Variants in KLHL6 observed in about 807,000 individuals in gnomAD.
KLHL6 encodes kelch-like protein 6.
In KLHL6, 41 loss-of-function variants were observed where a neutral mutation model predicts 58.6. That is an observed-to-expected ratio of 0.70 (90% confidence interval 0.55 to 0.91). The LOEUF is 0.91. Ranked by LOEUF, KLHL6 falls within the 40% of genes least tolerant of loss-of-function variation. The pLI is 0.00. For missense variants in KLHL6, 714 were observed against 805.6 expected (o/e 0.89, Z 1.38); for synonymous variants, 338 against 322.7 (o/e 1.05, Z -0.51).
At chr3:183,547,701 G>A (rs1006318885) in intron 1 of KLHL6, among the ~76,000 whole-genome samples, 12 of 152,066 alleles carry the variant, frequency 7.9e-5, no homozygotes, top group African/African-American at 2.4e-4. Context: ...GAATATGGAC[G>A]GCCTACATTT....
chr3:183,522,140 A>G (rs1385240942), intron 2 of KLHL6, among the ~76,000 whole-genome samples: 2 of 151,494 alleles, frequency 1.3e-5, no homozygotes, highest in Non-Finnish European at 2.9e-5. Flanking sequence ...AGCCTGGCCA[A>G]CATGGTGAAA....
rs771934752 is a variant in KLHL6 at position 183,494,138 on chromosome 3, C to T, written c.1291G>A (p.Gly431Ser). The change falls in exon 5 of 7, where the codon GGC (glycine) becomes AGC (serine). Residue 431 changes from glycine (G) to serine (S), a missense_variant. Physicochemically the swap from Gly to Ser is moderately conservative, Grantham distance 56. Coordinates refer to ENST00000341319, the MANE Select transcript of KLHL6 (RefSeq NM_130446.4). ...TCCACATTGTTGATTCTCTGTAAGC[C>T]GTCAAAGCCTCCGATCACATAGACC... ...GKVYVIGGFDGLQRINNVETY... is the reference protein window; with the variant it reads ...GKVYVIGGFDSLQRINNVETY... The T allele has an allele frequency of 4.0e-5, 64 of 1,614,130 alleles. No individual in the cohort carries two copies. The highest frequency in any genetic ancestry group is 6.7e-5 in the Admixed American group (4 of 60,020).
chr3:183,553,751 A>G (rs1713012657), intron 1 of KLHL6, among the ~76,000 whole-genome samples: 1 of 152,178 alleles, frequency 6.6e-6, no homozygotes, highest in Non-Finnish European at 1.5e-5. Flanking sequence ...GACCAGATAT[A>G]TAATGCTGAG....
intron 4 of KLHL6, among the ~76,000 whole-genome samples, chr3:183,495,739 A>C (rs559582853): frequency 2.0e-5 from 3 of 152,278 alleles, no homozygotes; most frequent in East Asian, 1.9e-4. Flanking sequence ...GGGAAGAGTA[A>C]GTTTGGAAAA....
chr3:183,555,319 G>A (rs766409799), intron 1 of KLHL6, 42 bp downstream of exon 1: 1 of 1,581,012 alleles, frequency 6.3e-7, no homozygotes, highest in South Asian at 1.1e-5. Flanking sequence ...CCTCTTCCTT[G>A]CAACTTGCAC....
intron 5 of KLHL6, chr3:183,493,704 C>T (rs1007566817): frequency 2.1e-5 from 5 of 236,410 alleles, no homozygotes; most frequent in East Asian, 1.0e-4. Flanking sequence ...TAAAGTGATC[C>T]GCATGTGTCC....
intron 2 of KLHL6, among the ~76,000 whole-genome samples, chr3:183,510,977 G>C (rs1329999345): frequency 6.6e-6 from 1 of 152,216 alleles, no homozygotes; most frequent in Non-Finnish European, 1.5e-5. Context: ...GGTGGGACGA[G>C]AGACTGAGAA....
Position 183,506,844 on chromosome 3 carries a change from AT to A in KLHL6, c.909+1214del, listed in dbSNP as rs1356335881. On this transcript the variant is annotated intron_variant, in intron 3 of 6. Coordinates refer to ENST00000341319, the MANE Select transcript of KLHL6 (RefSeq NM_130446.4). ...CCTCCTCTCAAAAATAAATAAATAAATAAATAAATAAATAAATAAATAAATA... is the reference window on the plus strand; with the variant it reads ...CCTCCTCTCAAAAATAAATAAATAAAAAATAAATAAATAAATAAATAAATA... Among the ~76,000 whole-genome samples the A allele has an allele frequency of 8.5e-5, 12 of 141,066 alleles. No individual in the cohort carries two copies. In the South Asian group the frequency reaches 2.5e-3, roughly 30 times the overall value. 92.5% of individuals were successfully genotyped at this position (141,066 alleles called of 152,430 possible).
chr3:183,514,793 C>A (rs1711513518), intron 2 of KLHL6, among the ~76,000 whole-genome samples: 1 of 151,940 alleles, frequency 6.6e-6, no homozygotes, highest in South Asian at 2.1e-4. Flanking sequence ...CTCAGCCTCC[C>A]AAGCAGCTGG....
chr3:183,543,250 G>T (rs892247890), intron 1 of KLHL6, among the ~76,000 whole-genome samples: 1 of 150,702 alleles, frequency 6.6e-6, no homozygotes, highest in Non-Finnish European at 1.5e-5. Context: ...TCGCACCACT[G>T]CACTCCAGCC....
In KLHL6 at chr3:183,555,697, G is replaced by A. The variant is rs776851831; in HGVS notation, c.-44C>T. ...CAAGTGTCAGGCAGGCCCCATTGCA[G>A]GAGCTGAGCGGATTTCCTGTGCAGG... is the stretch of plus-strand genomic sequence containing the variant. On this transcript the variant is annotated 5_prime_UTR_variant, in exon 1 of 7. Transcript: ENST00000341319. 2.0e-6 allele frequency: 3 copies of A among 1,527,496 alleles called. No individual in the cohort carries two copies. The East Asian group carries it at 6.8e-5, about 34-fold the overall frequency. 94.6% of individuals were successfully genotyped at this position (1,527,496 alleles called of 1,614,324 possible).
At chr3:183,497,236 A>AC (rs1041085944) in intron 4 of KLHL6, among the ~76,000 whole-genome samples, 5 of 152,190 alleles carry the variant, frequency 3.3e-5, no homozygotes, top group African/African-American at 1.2e-4. Flanking sequence ...ACATGGTGAA[A>AC]CCCCCTCTCT....
At chr3:183,534,933 C>CATATAT (rs377650262) in intron 1 of KLHL6, among the ~76,000 whole-genome samples, 10 of 137,852 alleles carry the variant, frequency 7.3e-5, no homozygotes, top group African/African-American at 2.2e-4. Context: ...CATATATATA[C>CATATAT]ATATATATAT....
chr3:183,501,270 C>T (rs146249003), intron 3 of KLHL6, among the ~76,000 whole-genome samples: 1,637 of 152,338 alleles, frequency 0.011, 18 homozygotes, highest in Non-Finnish European at 0.018. Context: ...GGCAATGGCA[C>T]CAAAGACAAA....
At chr3:183,552,501 G>A (rs1017235266) in intron 1 of KLHL6, among the ~76,000 whole-genome samples, 10 of 151,970 alleles carry the variant, frequency 6.6e-5, no homozygotes, top group Admixed American at 1.3e-4. Flanking sequence ...GGTGGATCTC[G>A]AGGTCAGGAG....
At chr3:183,543,155 T>C (rs1261364778) in intron 1 of KLHL6, among the ~76,000 whole-genome samples, 1 of 151,984 alleles carries the variant, frequency 6.6e-6, no homozygotes, top group East Asian at 1.9e-4. Context: ...TATCTTGTTG[T>C]GTTGACCTGT....
Position 183,499,488 on chromosome 3 carries a change from G to A in KLHL6, c.1147+102C>T, listed in dbSNP as rs1330447876. 3 of 762,282 alleles carry A rather than the reference G, an allele frequency of 3.9e-6. No homozygotes were observed. The highest frequency in any genetic ancestry group is 6.5e-6 in the Non-Finnish European group (3 of 460,426). 47.2% of individuals were successfully genotyped at this position (762,282 alleles called of 1,614,324 possible). A position where few individuals can be genotyped will look rare whatever the true frequency, so the allele number is the denominator to read the frequency against. On this transcript the variant is annotated intron_variant, in intron 4 of 6. Transcript: ENST00000341319. The surrounding 1 kb of genome is among the most constrained non-coding windows in gnomAD (Gnocchi z 4.6). ...CTGTCTCAGTCAGAGCCGGATCATT[G>A]CCAATTCACAGTAATTCTTCTAGGA...
chr3:183,530,678 A>G (rs180955255), intron 1 of KLHL6, among the ~76,000 whole-genome samples: 328 of 152,334 alleles, frequency 2.2e-3, no homozygotes, highest in Non-Finnish European at 3.8e-3. Context: ...TGGCTGGACT[A>G]TCATTTAATA....
chr3:183,496,663 T>C (rs1577175663), intron 4 of KLHL6, among the ~76,000 whole-genome samples: 3 of 152,256 alleles, frequency 2.0e-5, no homozygotes, highest in Admixed American at 1.3e-4. Flanking sequence ...GCTCCCACCA[T>C]GTGCTTTGCA....
Sources: allele counts gnomAD v4.1 joint callset (sites outside exome capture counted in the v4.1 genomes callset), GRCh38; gene constraint gnomAD v4.1.1; non-coding constraint Gnocchi (gnomAD v3.1); transcripts MANE v1.5; gene names NCBI Gene and HGNC (gene_info 2026-07-23, HGNC 2026-07-21).